CCDC7: variants seen among roughly 807,000 people sequenced by gnomAD.
CCDC7 encodes the protein coiled-coil domain containing 7.
CCDC7 carries 183 observed loss-of-function variants against 196.9 expected under a neutral mutation model. The ratio of observed to expected loss-of-function variants is 0.93; its 90% CI spans 0.82 to 1.05. The LOEUF (loss-of-function observed/expected upper bound fraction) is 1.05. Among genes scored for constraint, CCDC7 ranks in the 50% least tolerant of loss-of-function variants. CCDC7 has a pLI of 0.00. For missense variants in CCDC7, 1,540 were observed against 1,482.2 expected (o/e 1.04, Z -0.64); for synonymous variants, 525 against 484.6 (o/e 1.08, Z -1.10).
At chr10:32,861,115 C>CAAAAAAAAAA (rs142801821) in intron 41 of CCDC7, among the ~76,000 whole-genome samples, 188 of 97,022 alleles carry the variant, frequency 1.9e-3, no homozygotes, top group Middle Eastern at 8.2e-3. Context: ...CAATCATAAG[C>CAAAAAAAAAA]AAAAAAAAAA....
exon 24 of CCDC7, chr10:32,694,910 G>T: frequency 6.2e-7 from 1 of 1,600,616 alleles, no homozygotes; most frequent in Middle Eastern, 1.7e-4. Context: ...AAAATCTTGT[G>T]CTTGAACATC....
chr10:32,652,744 T>G (rs2069004229), intron 20 of CCDC7, among the ~76,000 whole-genome samples: 1 of 152,054 alleles, frequency 6.6e-6, no homozygotes, highest in Non-Finnish European at 1.5e-5. Context: ...ATTTCTATAT[T>G]TTTGTACTGC....
chr10:32,705,145 A>C (rs1295516282), intron 24 of CCDC7, among the ~76,000 whole-genome samples: 1 of 151,790 alleles, frequency 6.6e-6, no homozygotes, highest in Non-Finnish European at 1.5e-5. Flanking sequence ...CTATTCGGCC[A>C]TCTTGGCTCC....
chr10:32,723,064 T>C (rs1162863149), intron 25 of CCDC7, among the ~76,000 whole-genome samples: 1 of 152,028 alleles, frequency 6.6e-6, no homozygotes, highest in Non-Finnish European at 1.5e-5. Context: ...TTAATCAGGA[T>C]CCATTACTTC....
chr10:32,658,580 A>G (rs1591392), intron 20 of CCDC7, among the ~76,000 whole-genome samples: 52,332 of 152,066 alleles, frequency 0.34, 11,430 homozygotes, highest in Non-Finnish European at 0.5. Flanking sequence ...TCAATATGAG[A>G]TTTGGGTGGG....
chr10:32,554,528 T>A (rs2054042567), intron 13 of CCDC7, among the ~76,000 whole-genome samples: 1 of 152,194 alleles, frequency 6.6e-6, no homozygotes, highest in Non-Finnish European at 1.5e-5. Context: ...CACTTGGCTC[T>A]CTAAATGGAC....
chr10:32,728,860 A>C (rs764280879), intron 26 of CCDC7, 27 bp from the exon 28 acceptor site: 2 of 1,274,926 alleles, frequency 1.6e-6, no homozygotes, highest in South Asian at 2.7e-5. Flanking sequence ...TTTCCATTTG[A>C]TGGACTAAAT....
chr10:32,823,148 C>A (rs565611528), intron 31 of CCDC7, among the ~76,000 whole-genome samples: 1 of 143,498 alleles, frequency 7.0e-6, no homozygotes, highest in South Asian at 2.2e-4. Context: ...CAATATGATG[C>A]TTTTTTTTTT....
At chr10:32,639,592 T>C (rs1169584272) in intron 20 of CCDC7, among the ~76,000 whole-genome samples, 3 of 152,034 alleles carry the variant, frequency 2.0e-5, no homozygotes. Context: ...TTGATTGCAC[T>C]GTGGTCTGAG....
chr10:32,739,298 A>C (rs2085410695), intron 28 of CCDC7, among the ~76,000 whole-genome samples: 1 of 151,562 alleles, frequency 6.6e-6, no homozygotes, highest in South Asian at 2.1e-4. Flanking sequence ...AATTTTCCCA[A>C]AGATCTCGGT....
chr10:32,613,961 T>C (rs775760522), intron 18 of CCDC7, among the ~76,000 whole-genome samples: 5 of 152,212 alleles, frequency 3.3e-5, no homozygotes, highest in Non-Finnish European at 7.3e-5. Flanking sequence ...GTCCTGAATA[T>C]CCTTGTTAAT....
intron 28 of CCDC7, among the ~76,000 whole-genome samples, chr10:32,730,408 T>G (rs932580464): frequency 6.6e-6 from 1 of 152,114 alleles, no homozygotes; most frequent in Non-Finnish European, 1.5e-5. Flanking sequence ...GTCTACTCCA[T>G]TTTTTATCAT....
intron 24 of CCDC7, among the ~76,000 whole-genome samples, chr10:32,705,303 A>G (rs2079526355): frequency 2.0e-5 from 3 of 152,020 alleles, no homozygotes; most frequent in South Asian, 4.1e-4. Flanking sequence ...TGCCTTACAA[A>G]AGCTCCTGAA....
chr10:32,467,449 A>G (rs1270062313), intron 5 of CCDC7, among the ~76,000 whole-genome samples: 1 of 152,160 alleles, frequency 6.6e-6, no homozygotes, highest in East Asian at 1.9e-4. Context: ...TTTGTGTCTT[A>G]TAAATATGCT....
rs544916177 is a variant in CCDC7, at chr10:32,535,302, T to C, written c.994-7998T>C. Among the ~76,000 whole-genome samples the C allele has an allele frequency of 1.1e-3, 169 of 152,226 alleles. 1 individual carries two copies. The Middle Eastern group carries it at 0.014, about 12-fold the overall frequency. ...AAGAAATAACCACCTAATGCCTTAA[T>C]AGGTAATTATTATTAAGCTAATCTA... On this transcript the variant is annotated intron_variant, in intron 11 of 41. Transcript: ENST00000639629.
intron 18 of CCDC7, among the ~76,000 whole-genome samples, chr10:32,620,027 A>AT (rs2063229405): frequency 7.1e-6 from 1 of 141,812 alleles, no homozygotes; most frequent in South Asian, 2.2e-4. Flanking sequence ...GGTTCAAGCA[A>AT]TTTTCCTGCC....
At chr10:32,749,483 T>C (rs1183359783) in intron 28 of CCDC7, among the ~76,000 whole-genome samples, 1 of 152,178 alleles carries the variant, frequency 6.6e-6, no homozygotes, top group Non-Finnish European at 1.5e-5. Context: ...AATAACTAGG[T>C]ATATCTATGA....
At position 32,842,177 on chromosome 10, in the gene CCDC7, C is replaced by T. The variant is rs776819113; in HGVS notation, c.3353-3066C>T. ...AGTTAACAGACAACCCTCAGAGTGGCAGAAAATCTTCACAATCTATATATC... is the reference window on the plus strand; with the variant it reads ...AGTTAACAGACAACCCTCAGAGTGGTAGAAAATCTTCACAATCTATATATC... On this transcript the variant is annotated intron_variant, in intron 33 of 41. Coordinates refer to ENST00000639629, the Ensembl canonical transcript of CCDC7. 4.0e-4 allele frequency among the ~76,000 whole-genome samples: 61 copies of T among 151,852 alleles called. 1 individual carries two copies. The highest frequency in any genetic ancestry group is 6.6e-4 in the Admixed American group (10 of 15,208).
At chr10:32,676,613 G>C (rs2140924461) in intron 21 of CCDC7, among the ~76,000 whole-genome samples, 1 of 152,192 alleles carries the variant, frequency 6.6e-6, no homozygotes, top group East Asian at 1.9e-4. Flanking sequence ...AAAAACACAT[G>C]AAAAAATGCT....
Sources: allele counts gnomAD v4.1 joint callset (sites outside exome capture counted in the v4.1 genomes callset), GRCh38; gene constraint gnomAD v4.1.1; transcripts MANE v1.5; gene names NCBI Gene and HGNC (gene_info 2026-07-23, HGNC 2026-07-21).